ENKUR: variants seen among roughly 807,000 people sequenced by gnomAD.
ENKUR encodes enkurin, TRPC channel interacting protein.
ENKUR carries 19 observed loss-of-function variants against 27.6 expected under a neutral mutation model. The ratio of observed to expected loss-of-function variants is 0.69; its 90% CI spans 0.48 to 1.01. The LOEUF (loss-of-function observed/expected upper bound fraction) is 1.01. ENKUR is among the 50% of genes least tolerant of loss of function. The pLI is 0.00. For synonymous variants in ENKUR, 117 were observed against 96.9 expected (o/e 1.21, Z -1.22); for missense variants, 312 against 310.5 (o/e 1.00, Z -0.04).
At position 25,022,277 on chromosome 10, in the gene ENKUR, ATTG is replaced by A. The variant is rs1850736567; in HGVS notation, c.38-26411_38-26409del. Among the ~76,000 whole-genome samples the A allele has an allele frequency of 2.0e-5, 3 of 152,262 alleles. No homozygotes were observed. The South Asian group carries it at 6.2e-4, about 32-fold the overall frequency. On this transcript the variant is annotated intron_variant, in intron 2 of 5. Transcript: ENST00000615958. ...TAGAGCTTCTTTGGATGCCAGAATA[ATTG>A]TTGTCTCTCATCATTGGAAACATTC...
At chr10:25,060,855 G>T (rs1291668612) in intron 2 of ENKUR, among the ~76,000 whole-genome samples, 1 of 151,990 alleles carries the variant, frequency 6.6e-6, no homozygotes, top group Non-Finnish European at 1.5e-5. Context: ...CTACAGGTGT[G>T]TGCCACTATG....
At chr10:25,051,664 C>A (rs1002248883) in intron 2 of ENKUR, among the ~76,000 whole-genome samples, 4 of 152,234 alleles carry the variant, frequency 2.6e-5, no homozygotes, top group Non-Finnish European at 5.9e-5. Context: ...CCCCCATGAC[C>A]CAATTACCTC....
intron 1 of ENKUR, among the ~76,000 whole-genome samples, chr10:25,001,111 A>C (rs561684833): frequency 2.4e-4 from 37 of 152,150 alleles, no homozygotes; most frequent in African/African-American, 8.9e-4. Context: ...CATTTGAAAA[A>C]ATCTTGAATA....
At chr10:25,026,380 A>G (rs1850852386) in intron 2 of ENKUR, 1 of 166,990 alleles carries the variant, frequency 6.0e-6, no homozygotes, top group African/African-American at 2.4e-5. Context: ...GAATACAGAA[A>G]TGATCTATTT....
chr10:25,028,540 CT>C (rs1244114133), intron 2 of ENKUR, among the ~76,000 whole-genome samples: 1 of 152,168 alleles, frequency 6.6e-6, no homozygotes, highest in Non-Finnish European at 1.5e-5. Context: ...TCTGTGTAAC[CT>C]TTCTTCTTAT....
At chr10:25,005,622 A>T (rs1850295200) in intron 1 of ENKUR, among the ~76,000 whole-genome samples, 1 of 152,164 alleles carries the variant, frequency 6.6e-6, no homozygotes, top group Non-Finnish European at 1.5e-5. Flanking sequence ...TCTTGAGGAG[A>T]ATTTTTACAC....
At chr10:25,006,374 C>T (rs1588660779) in intron 1 of ENKUR, among the ~76,000 whole-genome samples, 1 of 151,882 alleles carries the variant, frequency 6.6e-6, no homozygotes, top group Non-Finnish European at 1.5e-5. Context: ...TTTGTGGCAG[C>T]ACACCGAGAA....
At chr10:25,054,378 C>A (rs571334618) in intron 2 of ENKUR, among the ~76,000 whole-genome samples, 17 of 152,142 alleles carry the variant, frequency 1.1e-4, no homozygotes, top group African/African-American at 3.9e-4. Context: ...GCGGAGATCA[C>A]GCCATTGCAT....
chr10:25,011,416 G>T (rs891357935), intron 1 of ENKUR, among the ~76,000 whole-genome samples: 2 of 152,086 alleles, frequency 1.3e-5, no homozygotes, highest in African/African-American at 4.8e-5. Flanking sequence ...TCTGATGGTA[G>T]TTTCTTTTGC....
chr10:25,049,886 T>C (rs1851166223), intron 2 of ENKUR, among the ~76,000 whole-genome samples: 1 of 152,018 alleles, frequency 6.6e-6, no homozygotes, highest in Admixed American at 6.6e-5. Flanking sequence ...TGCATTGTTA[T>C]ATAGGAATAC....
intron 2 of ENKUR, among the ~76,000 whole-genome samples, chr10:25,031,042 C>T (rs10828742): frequency 0.14 from 21,003 of 152,130 alleles, 2,555 homozygotes; most frequent in African/African-American, 0.34. Context: ...TGCTTGAATC[C>T]GGGAGGCAGA....
chr10:24,990,335 T>C (rs893351640), intron 4 of ENKUR, 128 bp downstream of exon 4: 6 of 1,258,328 alleles, frequency 4.8e-6, no homozygotes, highest in Admixed American at 2.9e-5. Flanking sequence ...AGTTTTTAAC[T>C]GTAACCCAAA....
chr10:24,999,277 TTC>T (rs1850136368), intron 2 of ENKUR, 122 bp downstream of exon 2: 1 of 938,908 alleles, frequency 1.1e-6, no homozygotes, highest in Admixed American at 3.0e-5. Context: ...CCTAGTCAAA[TTC>T]TGTTTAATAT....
At chr10:25,043,866 T>G (rs1851092392) in intron 2 of ENKUR, among the ~76,000 whole-genome samples, 1 of 151,266 alleles carries the variant, frequency 6.6e-6, no homozygotes. Flanking sequence ...ATTAATCACA[T>G]CTGACGAAAT....
chr10:24,984,756 C>A lies in ENKUR; in HGVS notation c.744G>T (p.Lys248Asn). Residue 248 changes from lysine (K) to asparagine (N), a missense_variant, in exon 5 of 6, where the codon AAG becomes AAT. Physicochemically the swap from Lys to Asn is moderately conservative, Grantham distance 94 (BLOSUM62 0). Transcript: ENST00000331161. ...EHDIGIIEKH[K>N]IIYIANNA The stretch of plus-strand genomic sequence containing the variant: ...CTTACTTATTGGCAATATAAATAAT[C>A]TTGTGCTTTTCAATTATGCCAATGT... The A allele has an allele frequency of 6.2e-7, 1 of 1,611,818 alleles. No individual in the cohort carries two copies. Among genetic ancestry groups the A allele is most frequent in the Non-Finnish European group, 8.5e-7 (1 of 1,179,508 alleles).
chr10:25,059,135 T>TC (rs1169240457), intron 2 of ENKUR, among the ~76,000 whole-genome samples: 2 of 126,864 alleles, frequency 1.6e-5, no homozygotes, highest in Non-Finnish European at 3.5e-5. Flanking sequence ...TTTCTTTCTT[T>TC]TTTTTTTTTT....
At chr10:25,037,929 A>G (rs1851024906) in intron 2 of ENKUR, among the ~76,000 whole-genome samples, 1 of 152,202 alleles carries the variant, frequency 6.6e-6, no homozygotes. Flanking sequence ...AATTTCTTTA[A>G]AAGGGTAAAT....
At chr10:25,023,649 G>A in intron 2 of ENKUR, 1 of 1,614,170 alleles carries the variant, frequency 6.2e-7, no homozygotes, top group South Asian at 1.1e-5. Context: ...ATGCTAGCAT[G>A]TGGCATCTGA....
At chr10:25,054,459 T>TTCTTTC (rs1416743823) in intron 2 of ENKUR, among the ~76,000 whole-genome samples, 33 of 65,206 alleles carry the variant, frequency 5.1e-4, no homozygotes, top group Non-Finnish European at 9.2e-4. Flanking sequence ...TTTTTCTCTT[T>TTCTTTC]TCTTTCTTTC....
Sources: allele counts gnomAD v4.1 joint callset (sites outside exome capture counted in the v4.1 genomes callset), GRCh38; gene constraint gnomAD v4.1.1; transcripts MANE v1.5; gene names NCBI Gene and HGNC (gene_info 2026-07-23, HGNC 2026-07-21).